Variants in PRIM2 observed in about 807,000 individuals in gnomAD.
PRIM2 encodes DNA primase subunit 2.
In PRIM2, 39 loss-of-function variants were observed where a neutral mutation model predicts 67.3. That is an observed-to-expected ratio of 0.58 (90% CI 0.45 to 0.76). The LOEUF (loss-of-function observed/expected upper bound fraction) is 0.76. Ranked by LOEUF, PRIM2 falls within the 30% of genes least tolerant of loss-of-function variation. The probability of loss-of-function intolerance (pLI) is 0.00; values close to 1 mark genes in which losing one functional copy is unlikely to be tolerated. For missense variants in PRIM2, 398 were observed against 598.7 expected (o/e 0.66, Z 3.50); for synonymous variants, 143 against 198.7 (o/e 0.72, Z 2.36).
intron 7 of PRIM2, among the ~76,000 whole-genome samples, chr6:57,396,811 T>G (rs1770530606): frequency 1.3e-5 from 2 of 152,212 alleles, no homozygotes; most frequent in African/African-American, 4.8e-5. Context: ...TTTCCAGGAT[T>G]TATTTCAAGA....
intron 13 of PRIM2, among the ~76,000 whole-genome samples, chr6:57,643,600 T>C (rs1176924677): frequency 4.6e-5 from 7 of 152,214 alleles, no homozygotes; most frequent in Admixed American, 2.0e-4. Context: ...ATAAACATAC[T>C]TTTTGTGAAA....
intron 7 of PRIM2, among the ~76,000 whole-genome samples, chr6:57,406,063 T>C (rs1770879253): frequency 6.6e-6 from 1 of 152,200 alleles, no homozygotes; most frequent in Non-Finnish European, 1.5e-5. Context: ...GATGGACTTG[T>C]CTGGGGATTG....
chr6:57,457,284 G>T lies in PRIM2; in HGVS notation c.694-50103G>T, dbSNP rs574945538. Among the ~76,000 whole-genome samples, 5 of 152,284 alleles carry T rather than the reference G, an allele frequency of 3.3e-5. No individual in the cohort carries two copies. The East Asian group carries it at 7.7e-4, about 24-fold the overall frequency. ...TTTCTGTTCTCAGATCTCCAGCTGC[G>T]TGCTGGGAGAACCACTACTCTCTTC... is the stretch of plus-strand genomic sequence containing the variant. On this transcript the variant is annotated intron_variant, in intron 7 of 13. Coordinates refer to ENST00000615550, the MANE Select transcript of PRIM2 (RefSeq NM_000947.5).
chr6:57,370,580 T>C (rs1050476897), intron 5 of PRIM2, among the ~76,000 whole-genome samples: 6 of 151,912 alleles, frequency 3.9e-5, no homozygotes, highest in Non-Finnish European at 8.8e-5. Flanking sequence ...TCATAGGCCA[T>C]GAAACAGGAA....
At chr6:57,530,863 T>C (rs1774874210) in intron 8 of PRIM2, among the ~76,000 whole-genome samples, 1 of 151,868 alleles carries the variant, frequency 6.6e-6, no homozygotes, top group Non-Finnish European at 1.5e-5. Context: ...CCACCATGCC[T>C]GGCCAATTTT....
chr6:57,645,752 G>A (rs1226548529), intron 13 of PRIM2, among the ~76,000 whole-genome samples, 176 bp from the exon 14 acceptor site: 2 of 152,050 alleles, frequency 1.3e-5, no homozygotes, highest in African/African-American at 2.4e-5. Flanking sequence ...TTGGGTAGTG[G>A]TTGAAGCTCT....
chr6:57,593,407 ACT>A (rs1776316104), intron 10 of PRIM2, among the ~76,000 whole-genome samples: 1 of 150,518 alleles, frequency 6.6e-6, no homozygotes, highest in African/African-American at 2.4e-5. Flanking sequence ...GGTTCAAGTG[ACT>A]CTCTTGCCTT....
chr6:57,558,094 A>G (rs1310409713), intron 10 of PRIM2, among the ~76,000 whole-genome samples: 2 of 152,162 alleles, frequency 1.3e-5, no homozygotes, highest in Non-Finnish European at 2.9e-5. Context: ...GTTATTTGCC[A>G]TGTGACTTTG....
upstream of PRIM2, among the ~76,000 whole-genome samples, chr6:57,311,670 A>G (rs529813520): frequency 1.2e-3 from 189 of 152,242 alleles, 1 homozygote; most frequent in African/African-American, 4.4e-3. Context: ...TGGGAGGCCA[A>G]GGCAGGCCGC....
chr6:57,241,658 G>C, the PRIM2 span, among the ~76,000 whole-genome samples: 1 of 148,512 alleles, frequency 6.7e-6, no homozygotes, highest in African/African-American at 2.5e-5. Flanking sequence ...CTAGATTACT[G>C]TTTTAATACT....
At chr6:57,523,145 A>T (rs1347025134) in intron 8 of PRIM2, among the ~76,000 whole-genome samples, 1 of 152,254 alleles carries the variant, frequency 6.6e-6, no homozygotes, top group Non-Finnish European at 1.5e-5. Context: ...GATGATGATG[A>T]TGTTTATTAC....
chr6:57,237,056 C>T, the PRIM2 span, among the ~76,000 whole-genome samples: 1 of 151,930 alleles, frequency 6.6e-6, no homozygotes, highest in African/African-American at 2.4e-5. Flanking sequence ...TCCTATTTCT[C>T]CACATCCTCT....
chr6:57,318,130 G>C (rs1767536305), intron 1 of PRIM2, among the ~76,000 whole-genome samples: 1 of 152,166 alleles, frequency 6.6e-6, no homozygotes, highest in African/African-American at 2.4e-5. Context: ...TCCAAGAACA[G>C]TGACACACAG....
intron 10 of PRIM2, among the ~76,000 whole-genome samples, chr6:57,586,330 G>A (rs1776186302): frequency 6.6e-6 from 1 of 152,108 alleles, no homozygotes; most frequent in Admixed American, 6.5e-5. Context: ...AGGATTTTTT[G>A]GAGGTGGTCT....
intron 10 of PRIM2, among the ~76,000 whole-genome samples, chr6:57,593,053 C>T (rs1158909787): frequency 3.9e-5 from 6 of 152,248 alleles, no homozygotes; most frequent in African/African-American, 1.2e-4. Flanking sequence ...GCCTGCTTTA[C>T]AGTTTTTCTT....
chr6:57,532,553 A>T (rs1278308858), intron 9 of PRIM2, 70 bp downstream of exon 9: 7 of 692,706 alleles, frequency 1.0e-5, no homozygotes, highest in Admixed American at 3.2e-5. Flanking sequence ...TAAATCAAAG[A>T]CTTTTGGGTG....
the PRIM2 span, among the ~76,000 whole-genome samples, chr6:57,230,831 G>A: frequency 6.6e-6 from 1 of 152,096 alleles, no homozygotes; most frequent in Non-Finnish European, 1.5e-5. Context: ...TTGGTTATAA[G>A]TATCTTTTAC....
At chr6:57,256,884 C>T in the PRIM2 span, among the ~76,000 whole-genome samples, 2 of 152,192 alleles carry the variant, frequency 1.3e-5, no homozygotes, top group African/African-American at 4.8e-5. Context: ...AGTCTCCTAC[C>T]TACTGCTAAA....
chr6:57,384,890 G>T (rs1770088873), intron 7 of PRIM2, among the ~76,000 whole-genome samples: 1 of 152,100 alleles, frequency 6.6e-6, no homozygotes, highest in Admixed American at 6.6e-5. Flanking sequence ...TTACTTTTGG[G>T]TTTAAAGCTA....
Sources: gnomAD v4.1 joint callset for allele counts (sites outside exome capture counted in the v4.1 genomes callset) on GRCh38, gnomAD v4.1.1 for gene constraint, MANE v1.5 for transcripts, NCBI Gene and HGNC (gene_info 2026-07-23, HGNC 2026-07-21) for gene names.